POLR2F: variants seen among roughly 807,000 people sequenced by gnomAD.
POLR2F encodes DNA-directed RNA polymerases I, II, and III subunit RPABC2.
A neutral mutation model predicts 22.7 loss-of-function variants in POLR2F; 12 were observed. The observed-to-expected ratio is 0.53, with a 90% CI of 0.34 to 0.86. The LOEUF (loss-of-function observed/expected upper bound fraction) is 0.86, where lower values mean the gene tolerates loss of function less well. POLR2F is among the 40% of genes least tolerant of loss of function. The pLI is 0.02. For synonymous variants in POLR2F, 57 were observed against 66.0 expected, an observed-to-expected ratio of 0.86 and a Z score of 0.66; for missense variants, 126 against 171.5, an observed-to-expected ratio of 0.73 and a Z score of 1.48.
intron 1 of POLR2F, among the ~76,000 whole-genome samples, chr22:38,007,752 G>A (rs750116444): frequency 2.0e-4 from 31 of 152,244 alleles, no homozygotes; most frequent in Non-Finnish European, 4.4e-4. Context: ...GGGAGGGAGA[G>A]GGGAACTCAC....
chr22:38,025,357 TAC>T (rs368756577), intron 1 of POLR2F, among the ~76,000 whole-genome samples: 16 of 151,656 alleles, frequency 1.1e-4, no homozygotes, highest in South Asian at 4.2e-4. Context: ...AATCACAACG[TAC>T]ACACACACAC....
intron 1 of POLR2F, among the ~76,000 whole-genome samples, chr22:38,009,033 TGGAC>T (rs2084849093): frequency 2.6e-5 from 4 of 152,118 alleles, no homozygotes; most frequent in African/African-American, 7.2e-5. Flanking sequence ...CACAGGCAGT[TGGAC>T]ATTTGGGTAT....
downstream of POLR2F, among the ~76,000 whole-genome samples, chr22:37,971,542 A>G (rs1434663097): frequency 2.0e-5 from 3 of 152,156 alleles, no homozygotes; most frequent in Non-Finnish European, 2.9e-5. Flanking sequence ...TGCTGAGGAA[A>G]GAGCTCTTAG....
chr22:38,017,514 C>T lies in POLR2F; in HGVS notation c.121-8355C>T, dbSNP rs2084925506. Among the ~76,000 whole-genome samples, 1 of 152,202 alleles carries T rather than the reference C, an allele frequency of 6.6e-6. No homozygotes were observed. Among genetic ancestry groups the T allele is most frequent in the Non-Finnish European group, 1.5e-5 (1 of 68,032 alleles). On this transcript the variant is annotated intron_variant, in intron 1 of 2. Coordinates refer to the POLR2F transcript ENST00000333418. This position sits in a 1 kb window ranked among gnomAD's most constrained non-coding sequence, Gnocchi z 4.1. ...TCTCTGGGCCTGTGGGTGTCTCCCT[C>T]TTCAGGTAATGGGCTGTAGGGTCCT...
At chr22:38,024,093 C>T (rs1185024752) in intron 1 of POLR2F, among the ~76,000 whole-genome samples, 1 of 152,114 alleles carries the variant, frequency 6.6e-6, no homozygotes, top group African/African-American at 2.4e-5. Context: ...ATCCATCCAC[C>T]TTGGCCTCCC....
chr22:38,030,286 T>C (rs928468323), downstream of POLR2F, among the ~76,000 whole-genome samples: 1 of 152,104 alleles, frequency 6.6e-6, no homozygotes. Context: ...TCGGGCCCTC[T>C]GGACAGTCAT....
At chr22:37,983,811 C>CCGT (rs1406872650), upstream of POLR2F, 2 of 1,406,916 alleles carry the variant, frequency 1.4e-6, no homozygotes, top group African/African-American at 3.1e-5. This position sits in a 1 kb window ranked among gnomAD's most constrained non-coding sequence, Gnocchi z 9.5. Context: ...GCCGCCGCCG[C>CCGT]CTCGGCCGCC....
At chr22:38,013,623 T>G (rs1350017594) in intron 1 of POLR2F, among the ~76,000 whole-genome samples, 1 of 152,246 alleles carries the variant, frequency 6.6e-6, no homozygotes, top group Non-Finnish European at 1.5e-5. Context: ...CTTTTTGTCT[T>G]TAGCTGTACA....
Position 38,039,186 on chromosome 22 carries a change from C to T in POLR2F, c.453-1882C>T, listed in dbSNP as rs970413428. 3.3e-5 allele frequency among the ~76,000 whole-genome samples: 5 copies of T among 152,356 alleles called. No individual in the cohort carries two copies. The East Asian group carries it at 7.7e-4, about 24-fold the overall frequency. ...CTCCAGAAAGAGCCGTCTCTGCACC[C>T]GCTCCCACCCGTGGGAAGCACCAGA... On this transcript the variant is annotated intron_variant, in intron 5 of 5. Coordinates refer to the POLR2F transcript ENST00000407936.
In POLR2F at chr22:37,986,839, C is replaced by A; in HGVS notation, c.120+527C>A. On this transcript the variant is annotated intron_variant, in intron 1 of 2. Transcript: ENST00000333418. This position sits in a 1 kb window ranked among gnomAD's most constrained non-coding sequence, Gnocchi z 4.7. ...CATCCCAGGCCCTGGGAACCCAGTG[C>A]TCTCCAGCAGGCAAGGGTGAAGGAC... 1 of 455,994 alleles carries A rather than the reference C, an allele frequency of 2.2e-6. No individual in the cohort carries two copies. Among genetic ancestry groups the A allele is most frequent in the Non-Finnish European group, 4.4e-6 (1 of 226,572 alleles). 28.2% of individuals were successfully genotyped at this position (455,994 alleles called of 1,614,324 possible).
chr22:38,014,810 T>G (rs1261332403), intron 1 of POLR2F, among the ~76,000 whole-genome samples: 1 of 143,128 alleles, frequency 7.0e-6, no homozygotes, highest in Non-Finnish European at 1.5e-5. Context: ...TTTTGTATTT[T>G]TTTTTTTTTT....
intron 1 of POLR2F, among the ~76,000 whole-genome samples, chr22:38,000,724 A>G (rs2084761733): frequency 1.3e-5 from 2 of 152,176 alleles, no homozygotes; most frequent in Non-Finnish European, 2.9e-5. Context: ...GGTGTTTGAA[A>G]TAACATTCTC....
downstream of POLR2F, chr22:38,041,455 C>CT: frequency 3.2e-6 from 1 of 307,762 alleles, no homozygotes; most frequent in Non-Finnish European, 6.1e-6. Flanking sequence ...AAGTGGAAGG[C>CT]TTGTGGGCGG....
chr22:38,034,618 C>G (rs1334839258), intron 5 of POLR2F, among the ~76,000 whole-genome samples: 1 of 152,206 alleles, frequency 6.6e-6, no homozygotes, highest in African/African-American at 2.4e-5. Context: ...CCCTGGACCC[C>G]TCTCTGAGCC....
chr22:37,963,518 C>T (rs1240351931), intron 3 of POLR2F, among the ~76,000 whole-genome samples: 2 of 152,026 alleles, frequency 1.3e-5, no homozygotes, highest in Non-Finnish European at 2.9e-5. Context: ...AGTGATCCCC[C>T]TGCTTCAGCC....
At chr22:37,962,847 C>T (rs139872) in intron 3 of POLR2F, among the ~76,000 whole-genome samples, 11 of 150,958 alleles carry the variant, frequency 7.3e-5, no homozygotes, top group African/African-American at 2.4e-4. Flanking sequence ...CCTGCCACCA[C>T]GCCCGGCTAA....
intron 1 of POLR2F, among the ~76,000 whole-genome samples, chr22:38,013,501 A>G (rs1370112585): frequency 1.3e-5 from 2 of 152,194 alleles, no homozygotes; most frequent in East Asian, 3.9e-4. Flanking sequence ...TCTATAGCAT[A>G]TTTACCTATC....
At chr22:37,979,799 A>T (rs1932340037) in intron 4 of POLR2F, among the ~76,000 whole-genome samples, 1 of 151,948 alleles carries the variant, frequency 6.6e-6, no homozygotes, top group African/African-American at 2.4e-5. Context: ...GGTCGAGGGG[A>T]AAGTCCAGAT....
chr22:37,986,522 TC>T lies in POLR2F; in HGVS notation c.120+212del. 1 of 1,209,308 alleles carries T rather than the reference TC, an allele frequency of 8.3e-7. No individual in the cohort carries two copies. Among genetic ancestry groups the T allele is most frequent in the Non-Finnish European group, 1.2e-6 (1 of 849,344 alleles). 74.9% of individuals were successfully genotyped at this position (1,209,308 alleles called of 1,614,324 possible). On this transcript the variant is annotated intron_variant, in intron 1 of 2. Coordinates refer to the POLR2F transcript ENST00000333418. The surrounding 1 kb of genome is among the most constrained non-coding windows in gnomAD (Gnocchi z 4.7). Reference sequence around the variant, plus strand: ...CTGCTTCCTCCTTTGCCCTCCTTGGTCCAGCTGTGCCAGGATGGGGGTGGGG... The same window carrying T: ...CTGCTTCCTCCTTTGCCCTCCTTGGTCAGCTGTGCCAGGATGGGGGTGGGG...
Sources: gnomAD v4.1 joint callset for allele counts (sites outside exome capture counted in the v4.1 genomes callset) on GRCh38, gnomAD v4.1.1 for gene constraint, Gnocchi (gnomAD v3.1) non-coding constraint, MANE v1.5 for transcripts, NCBI Gene and HGNC (gene_info 2026-07-23, HGNC 2026-07-21) for gene names.